The following TMEM74 variants were observed in gnomAD, a reference collection of about 807,000 sequenced individuals.
The protein encoded by TMEM74 is transmembrane protein 74.
Under a neutral mutation model 18.1 loss-of-function variants are expected in TMEM74, and 13 were observed. The ratio of observed to expected loss-of-function variants is 0.72; its 90% CI spans 0.47 to 1.14. The LOEUF is 1.14. Among genes scored for constraint, TMEM74 ranks in the 50% most tolerant of loss-of-function variants. TMEM74 has a pLI of 0.00. For synonymous variants in TMEM74, 159 were observed against 146.6 expected, an observed-to-expected ratio of 1.08 and a Z score of -0.61; for missense variants, 372 against 375.9, an observed-to-expected ratio of 0.99 and a Z score of 0.09.
At position 108,770,297 on chromosome 8, in the gene TMEM74, G is replaced by T. The variant is rs142103833; in HGVS notation, n.119+17179C>A. Among the ~76,000 whole-genome samples the T allele has an allele frequency of 2.8e-3, 423 of 152,276 alleles. 2 individuals are homozygous for T. The highest frequency in any genetic ancestry group is 9.8e-3 in the African/African-American group (407 of 41,566). On this transcript the variant is annotated intron_variant and non_coding_transcript_variant, in intron 1 of 3. Coordinates refer to the TMEM74 transcript ENST00000518838. Reference sequence around the variant, plus strand: ...TGGTTTAGTACAGTGAGAAAAAATAGCAATTATTATACTAAATTGTTCTTC... The same window carrying T: ...TGGTTTAGTACAGTGAGAAAAAATATCAATTATTATACTAAATTGTTCTTC...
At chr8:108,711,327 C>T (rs551291383) in intron 1 of TMEM74, among the ~76,000 whole-genome samples, 11 of 152,296 alleles carry the variant, frequency 7.2e-5, no homozygotes, top group Middle Eastern at 3.4e-3. Flanking sequence ...ATAAAGAACC[C>T]AAAGAGAGAA....
intron 2 of TMEM74, among the ~76,000 whole-genome samples, chr8:108,623,117 G>T (rs1247601144): frequency 2.0e-5 from 3 of 151,846 alleles, no homozygotes; most frequent in African/African-American, 7.3e-5. Context: ...CAATTTTATT[G>T]GTCCTCTACT....
intron 1 of TMEM74, among the ~76,000 whole-genome samples, chr8:108,690,744 C>T (rs1311007635): frequency 6.6e-6 from 1 of 152,054 alleles, no homozygotes; most frequent in Non-Finnish European, 1.5e-5. Context: ...ATGGCTGAAC[C>T]CGGGAGGCGG....
intron 1 of TMEM74, among the ~76,000 whole-genome samples, chr8:108,765,407 C>CTTTTTTTTTTTTT (rs61334796): frequency 0.011 from 1,277 of 120,530 alleles, 83 homozygotes; most frequent in East Asian, 0.024. Flanking sequence ...TTTGGAACTA[C>CTTTTTTTTTTTTT]TTTTTTTTTT....
chr8:108,644,133 C>A (rs1177881737), intron 2 of TMEM74, among the ~76,000 whole-genome samples: 1 of 152,094 alleles, frequency 6.6e-6, no homozygotes, highest in Non-Finnish European at 1.5e-5. Context: ...GAAACAGTAC[C>A]GTATTGGTAT....
At chr8:108,607,916 T>C (rs891397310) in intron 3 of TMEM74, among the ~76,000 whole-genome samples, 5 of 152,198 alleles carry the variant, frequency 3.3e-5, no homozygotes, top group Non-Finnish European at 5.9e-5. Flanking sequence ...GATCTAAGAT[T>C]ACAATCCTGT....
At chr8:108,630,721 G>A (rs1433608694) in intron 2 of TMEM74, among the ~76,000 whole-genome samples, 1 of 151,914 alleles carries the variant, frequency 6.6e-6, no homozygotes, top group African/African-American at 2.4e-5. Flanking sequence ...CTAATAGTGA[G>A]TTATTTACTG....
chr8:108,679,801 T>G (rs1469986405), intron 1 of TMEM74, among the ~76,000 whole-genome samples: 1 of 152,178 alleles, frequency 6.6e-6, no homozygotes, highest in Non-Finnish European at 1.5e-5. Context: ...CTTTTGGTGT[T>G]TTAGACATGA....
At chr8:108,768,130 A>C (rs1204609785) in intron 1 of TMEM74, among the ~76,000 whole-genome samples, 4 of 152,126 alleles carry the variant, frequency 2.6e-5, no homozygotes, top group African/African-American at 4.8e-5. Context: ...AGCCATCTTC[A>C]CTTAAGTGTT....
At chr8:108,700,249 G>A (rs1813322660) in intron 1 of TMEM74, among the ~76,000 whole-genome samples, 1 of 151,862 alleles carries the variant, frequency 6.6e-6, no homozygotes, top group South Asian at 2.1e-4. Flanking sequence ...CTCAGTGGGG[G>A]GATGTTAGCA....
intron 2 of TMEM74, among the ~76,000 whole-genome samples, chr8:108,625,117 T>A (rs1225081753): frequency 6.6e-6 from 1 of 151,978 alleles, no homozygotes; most frequent in African/African-American, 2.4e-5. Context: ...TTTGGATGTG[T>A]GTTTCTCACA....
At chr8:108,651,115 AAC>A (rs1468609324) in intron 2 of TMEM74, among the ~76,000 whole-genome samples, 12 of 152,112 alleles carry the variant, frequency 7.9e-5, no homozygotes, top group African/African-American at 2.4e-4. Context: ...ACTACCATCT[AAC>A]ATTCTGTATA....
chr8:108,765,043 A>G (rs1814088081), intron 1 of TMEM74, among the ~76,000 whole-genome samples: 1 of 152,006 alleles, frequency 6.6e-6, no homozygotes, highest in Non-Finnish European at 1.5e-5. Flanking sequence ...CTATCAAGTC[A>G]ATGTGGTTAT....
chr8:108,657,902 ATT>A (rs1334531223), intron 1 of TMEM74, among the ~76,000 whole-genome samples: 37 of 121,756 alleles, frequency 3.0e-4, no homozygotes, highest in African/African-American at 8.8e-4. Context: ...ATATATATAT[ATT>A]AATTACATAT....
intron 2 of TMEM74, among the ~76,000 whole-genome samples, chr8:108,616,279 C>A (rs934039150): frequency 1.3e-5 from 2 of 152,272 alleles, no homozygotes; most frequent in East Asian, 1.9e-4. Context: ...GTACTTCCTA[C>A]GTATTTGTTG....
intron 1 of TMEM74, among the ~76,000 whole-genome samples, chr8:108,667,655 A>T (rs1812961914): frequency 6.6e-6 from 1 of 152,130 alleles, no homozygotes; most frequent in South Asian, 2.1e-4. Context: ...GACTGGTAAA[A>T]TTCAGATCCC....
chr8:108,659,248 C>A (rs963285720), intron 1 of TMEM74, among the ~76,000 whole-genome samples: 4 of 146,770 alleles, frequency 2.7e-5, no homozygotes, highest in Non-Finnish European at 4.6e-5. Context: ...TTATAGATAG[C>A]CCACTAACAC....
intron 2 of TMEM74, among the ~76,000 whole-genome samples, chr8:108,623,123 C>T (rs1470340121): frequency 6.6e-6 from 1 of 152,094 alleles, no homozygotes; most frequent in Non-Finnish European, 1.5e-5. Context: ...TATTGGTCCT[C>T]TACTCCTTGT....
At chr8:108,753,461 A>G (rs1813923418) in intron 1 of TMEM74, among the ~76,000 whole-genome samples, 1 of 152,030 alleles carries the variant, frequency 6.6e-6, no homozygotes, top group South Asian at 2.1e-4. Context: ...TTGGAATGAA[A>G]TTTTCCTAAA....
Sources: gnomAD v4.1 joint callset for allele counts (sites outside exome capture counted in the v4.1 genomes callset) on GRCh38, gnomAD v4.1.1 for gene constraint, MANE v1.5 for transcripts, NCBI Gene and HGNC (gene_info 2026-07-23, HGNC 2026-07-21) for gene names.